The following OSBPL1A variants were observed in gnomAD, a reference collection of about 807,000 sequenced individuals.
The protein encoded by OSBPL1A is oxysterol binding protein like 1A.
A neutral mutation model predicts 137.1 loss-of-function variants in OSBPL1A; 80 were observed. The ratio of observed to expected loss-of-function variants is 0.58; its 90% CI spans 0.49 to 0.70. The LOEUF (loss-of-function observed/expected upper bound fraction) is 0.70. OSBPL1A is among the 30% of genes least tolerant of loss of function. OSBPL1A has a pLI of 0.00. For synonymous variants in OSBPL1A, 365 were observed against 389.7 expected, an observed-to-expected ratio of 0.94 and a Z score of 0.75; for missense variants, 970 against 1,129.4, an observed-to-expected ratio of 0.86 and a Z score of 2.02.
intron 14 of OSBPL1A, among the ~76,000 whole-genome samples, chr18:24,295,343 T>A (rs2090269762): frequency 1.3e-5 from 2 of 152,216 alleles, no homozygotes; most frequent in Admixed American, 6.5e-5. Flanking sequence ...AGTTTGCATA[T>A]TTTCTCCCAT....
chr18:24,203,387 C>T lies in OSBPL1A; in HGVS notation c.1602-7187G>A, dbSNP rs112833256. On this transcript the variant is annotated intron_variant, in intron 17 of 27. Transcript: ENST00000319481. The stretch of plus-strand genomic sequence containing the variant: ...GTAACAGCACAAGTGCTCCTTTCCA[C>T]ACCCCCTCTTCACACAAACAAGGGT... Among the ~76,000 whole-genome samples the T allele has an allele frequency of 1.7e-3, 253 of 152,350 alleles. 1 individual carries two copies. Among genetic ancestry groups the T allele is most frequent in the African/African-American group, 5.7e-3 (238 of 41,580 alleles).
rs758986338 is a variant in OSBPL1A, at chr18:24,303,674, G to T, written c.1137C>A (p.Asn379Lys). ...CACACTCCTTAATCATTTTGAGAAA[G>T]TTGGAAATTTCCCTATCTAGTCGCT... The part of the protein sequence containing the change: ...CQQRLDREIS[N>K]FLKMIKECDM... Residue 379 changes from asparagine to lysine, a missense_variant, in exon 14 of 28, where the codon AAC becomes AAA. Asn to Lys is a moderately conservative substitution (Grantham distance 94). Transcript: ENST00000319481. 3 of 1,613,548 alleles carry T rather than the reference G, an allele frequency of 1.9e-6. No individual in the cohort carries two copies. Among genetic ancestry groups the T allele is most frequent in the Middle Eastern group, 1.7e-4 (1 of 6,056 alleles).
At chr18:24,261,103 T>C (rs1428709004) in intron 15 of OSBPL1A, among the ~76,000 whole-genome samples, 1 of 152,176 alleles carries the variant, frequency 6.6e-6, no homozygotes, top group Non-Finnish European at 1.5e-5. Flanking sequence ...TTCAGCGACA[T>C]GGATGAACCT....
chr18:24,283,281 A>AATATATATAT (rs869287828), intron 14 of OSBPL1A, among the ~76,000 whole-genome samples: 3 of 78,368 alleles, frequency 3.8e-5, no homozygotes, highest in African/African-American at 1.6e-4. Flanking sequence ...AAAAAAAAAA[A>AATATATATAT]ATATATATAT....
At chr18:24,251,237 C>T (rs549761129) in intron 15 of OSBPL1A, among the ~76,000 whole-genome samples, 3 of 152,138 alleles carry the variant, frequency 2.0e-5, no homozygotes, top group African/African-American at 7.2e-5. Context: ...CTGGTGACTA[C>T]GTAGATCCCT....
chr18:24,198,951 G>A (rs988261424), intron 17 of OSBPL1A, among the ~76,000 whole-genome samples: 5 of 150,882 alleles, frequency 3.3e-5, no homozygotes, highest in South Asian at 4.2e-4. Flanking sequence ...TCCACCTCCC[G>A]GGTTCAAACG....
At chr18:24,268,054 C>G (rs2089626327) in intron 15 of OSBPL1A, among the ~76,000 whole-genome samples, 1 of 152,190 alleles carries the variant, frequency 6.6e-6, no homozygotes, top group Non-Finnish European at 1.5e-5. Flanking sequence ...TCACCTCCCT[C>G]ACACTCACTC....
chr18:24,303,825 T>C, intron 13 of OSBPL1A, 107 bp from the exon 14 acceptor site: 2 of 840,524 alleles, frequency 2.4e-6, no homozygotes, highest in South Asian at 3.3e-5. Context: ...TGATATACCA[T>C]AACAGAGACA....
At chr18:24,312,930 C>T (rs1207296494) in intron 12 of OSBPL1A, among the ~76,000 whole-genome samples, 1 of 148,306 alleles carries the variant, frequency 6.7e-6, no homozygotes, top group African/African-American at 2.5e-5. Context: ...TCGAGACCAG[C>T]CTGGCCAACA....
At chr18:24,241,336 A>G (rs1462021809) in intron 15 of OSBPL1A, among the ~76,000 whole-genome samples, 1 of 152,230 alleles carries the variant, frequency 6.6e-6, no homozygotes, top group Non-Finnish European at 1.5e-5. Context: ...CAGAGTGAAG[A>G]GGCAACCTAC....
intron 1 of OSBPL1A, among the ~76,000 whole-genome samples, chr18:24,395,761 A>G (rs1907690856): frequency 6.6e-6 from 1 of 151,722 alleles, no homozygotes; most frequent in Non-Finnish European, 1.5e-5. Context: ...GGCTGGAATT[A>G]CAGGCGCCCA....
At chr18:24,229,156 T>G (rs2088187883) in intron 16 of OSBPL1A, among the ~76,000 whole-genome samples, 1 of 152,098 alleles carries the variant, frequency 6.6e-6, no homozygotes, top group Non-Finnish European at 1.5e-5. Flanking sequence ...GAGCTAAGAT[T>G]GAACCACTGT....
At chr18:24,299,259 T>C (rs2090353329) in intron 14 of OSBPL1A, among the ~76,000 whole-genome samples, 1 of 152,226 alleles carries the variant, frequency 6.6e-6, no homozygotes, top group East Asian at 1.9e-4. Context: ...TGAGGTACTG[T>C]TGTATTCATC....
intron 15 of OSBPL1A, among the ~76,000 whole-genome samples, chr18:24,259,640 A>T (rs2089391971): frequency 6.6e-6 from 1 of 152,160 alleles, no homozygotes; most frequent in Non-Finnish European, 1.5e-5. Context: ...TTTTCTTTAC[A>T]GTGAAAGAAA....
At chr18:24,263,629 T>C (rs2089496192) in intron 15 of OSBPL1A, among the ~76,000 whole-genome samples, 1 of 152,042 alleles carries the variant, frequency 6.6e-6, no homozygotes, top group Admixed American at 6.6e-5. Flanking sequence ...AAGGTAAAAA[T>C]ATATTCCCAA....
chr18:24,284,817 C>T (rs117822147), intron 14 of OSBPL1A, among the ~76,000 whole-genome samples: 5,512 of 152,190 alleles, frequency 0.036, 119 homozygotes, highest in Middle Eastern at 0.095. Context: ...AATAATTATC[C>T]ATATTCAGAA....
At chr18:24,244,257 T>C (rs1237774146) in intron 15 of OSBPL1A, among the ~76,000 whole-genome samples, 3 of 152,214 alleles carry the variant, frequency 2.0e-5, no homozygotes, top group Non-Finnish European at 2.9e-5. Flanking sequence ...TATGTGAATA[T>C]TGATTACTAG....
chr18:24,208,172 TATAAA>T (rs2087429249), intron 17 of OSBPL1A, among the ~76,000 whole-genome samples: 1 of 152,206 alleles, frequency 6.6e-6, no homozygotes, highest in Admixed American at 6.5e-5. Flanking sequence ...AGAGCTAAAC[TATAAA>T]ATAAACTTGA....
chr18:24,188,598 G>A (rs987183739), intron 18 of OSBPL1A, among the ~76,000 whole-genome samples: 1 of 152,156 alleles, frequency 6.6e-6, no homozygotes, highest in South Asian at 2.1e-4. Flanking sequence ...AAAGGCACAC[G>A]GCTGGGTCAA....
Sources: gnomAD v4.1 joint callset for allele counts (sites outside exome capture counted in the v4.1 genomes callset) on GRCh38, gnomAD v4.1.1 for gene constraint, MANE v1.5 for transcripts, NCBI Gene and HGNC (gene_info 2026-07-23, HGNC 2026-07-21) for gene names.